Variants in SGPP1 observed in about 807,000 individuals in gnomAD.
SGPP1 encodes hSPP1.
Under a neutral mutation model 33.0 loss-of-function variants are expected in SGPP1, and 21 were observed. The ratio of observed to expected loss-of-function variants is 0.64; its 90% confidence interval spans 0.45 to 0.92. The LOEUF is 0.92. Among genes scored for constraint, SGPP1 ranks in the 40% least tolerant of loss-of-function variants. The pLI is 0.00. For missense variants in SGPP1, 543 were observed against 589.4 expected, an observed-to-expected ratio of 0.92 and a Z score of 0.81; for synonymous variants, 239 against 241.2, an observed-to-expected ratio of 0.99 and a Z score of 0.08.
intron 1 of SGPP1, among the ~76,000 whole-genome samples, chr14:63,701,468 T>C (rs1885298407): frequency 6.6e-6 from 1 of 152,006 alleles, no homozygotes; most frequent in South Asian, 2.1e-4. Context: ...AAGTTGAGAT[T>C]TGAGGCAAGA....
chr14:63,685,798 T>C lies in SGPP1; in HGVS notation c.*307A>G, dbSNP rs1173287635. The C allele has an allele frequency of 6.7e-6, 1 of 150,136 alleles. No homozygotes were observed. The highest frequency in any genetic ancestry group is 1.5e-5 in the Non-Finnish European group (1 of 67,928). The allele number at this position is 150,136 out of a possible 1,614,324, so 9.3% of individuals were successfully genotyped here. A position where few individuals can be genotyped will look rare whatever the true frequency, so the allele number is the denominator to read the frequency against. Reference sequence around the variant, plus strand: ...TTATATATAATATATATCAGATATATAATTGCATATTATGTACCTTATATA... The same window carrying C: ...TTATATATAATATATATCAGATATACAATTGCATATTATGTACCTTATATA... On this transcript the variant is annotated 3_prime_UTR_variant, in exon 3 of 3. Coordinates refer to ENST00000247225, the MANE Select transcript of SGPP1 (RefSeq NM_030791.4).
At chr14:63,726,530 G>A (rs1885883366) in intron 1 of SGPP1, among the ~76,000 whole-genome samples, 2 of 152,090 alleles carry the variant, frequency 1.3e-5, no homozygotes, top group Admixed American at 6.6e-5. Context: ...TTGATCAAGA[G>A]CCCTATCTTT....
Position 63,685,772 on chromosome 14 carries a change from T to C in SGPP1, c.*333A>G, listed in dbSNP as rs1185717224. On this transcript the variant is annotated 3_prime_UTR_variant, in exon 3 of 3. Transcript: ENST00000247225. ...TTAAAAAAACACTTAGGTATATTAT[T>C]TTATATATAATATATATCAGATATA... 2.0e-5 allele frequency: 3 copies of C among 149,180 alleles called. No homozygotes were observed. The highest frequency in any genetic ancestry group is 3.0e-5 in the Non-Finnish European group (2 of 67,432). 9.2% of individuals were successfully genotyped at this position (149,180 alleles called of 1,614,324 possible). A position where few individuals can be genotyped will look rare whatever the true frequency, so the allele number is the denominator to read the frequency against.
At position 63,685,572 on chromosome 14, in the gene SGPP1, T is replaced by C. The variant is rs932334757; in HGVS notation, c.*533A>G. The C allele has an allele frequency of 1.3e-5, 2 of 152,408 alleles. No individual in the cohort carries two copies. The highest frequency in any genetic ancestry group is 6.5e-5 in the Admixed American group (1 of 15,270). The allele number at this position is 152,408 out of a possible 1,614,324, so 9.4% of individuals were successfully genotyped here. On this transcript the variant is annotated 3_prime_UTR_variant, in exon 3 of 3. Coordinates refer to ENST00000247225, the MANE Select transcript of SGPP1 (RefSeq NM_030791.4). ...AGTGTAAAAACAGGCAGTAAATCAATGTATAGTAGCATATGCATTCTGGTC... is the reference window on the plus strand; with the variant it reads ...AGTGTAAAAACAGGCAGTAAATCAACGTATAGTAGCATATGCATTCTGGTC...
intron 1 of SGPP1, among the ~76,000 whole-genome samples, chr14:63,715,500 C>A (rs914272837): frequency 6.6e-5 from 10 of 151,548 alleles, no homozygotes; most frequent in Admixed American, 2.0e-4. Context: ...TTTTTTTGAG[C>A]CGGAGTTTCA....
intron 1 of SGPP1, among the ~76,000 whole-genome samples, chr14:63,707,204 T>C (rs1885426295): frequency 6.6e-6 from 1 of 152,138 alleles, no homozygotes; most frequent in Admixed American, 6.5e-5. Context: ...TTACAAAGAA[T>C]CAGTTTAGCA....
chr14:63,701,989 A>T (rs78879734), intron 1 of SGPP1, among the ~76,000 whole-genome samples: 4 of 151,276 alleles, frequency 2.6e-5, no homozygotes, highest in African/African-American at 7.3e-5. Flanking sequence ...ATCTTTCTGC[A>T]CTTCCTTCTC....
intron 1 of SGPP1, among the ~76,000 whole-genome samples, chr14:63,701,610 A>G (rs1038657675): frequency 6.6e-6 from 1 of 152,118 alleles, no homozygotes; most frequent in East Asian, 1.9e-4. Context: ...CTGTGGCCAT[A>G]GCAGAGAGAG....
intron 1 of SGPP1, among the ~76,000 whole-genome samples, chr14:63,726,889 A>C (rs1885892116): frequency 6.6e-6 from 1 of 152,208 alleles, no homozygotes; most frequent in Non-Finnish European, 1.5e-5. Flanking sequence ...TTACGGTGAA[A>C]CTGGGTCTTA....
intron 1 of SGPP1, among the ~76,000 whole-genome samples, chr14:63,722,267 G>A (rs892663876): frequency 2.0e-5 from 3 of 151,202 alleles, no homozygotes; most frequent in African/African-American, 7.3e-5. Context: ...GCTCATGCCT[G>A]TAATCCCAAC....
At chr14:63,716,920 T>A (rs532588387) in intron 1 of SGPP1, among the ~76,000 whole-genome samples, 1 of 152,148 alleles carries the variant, frequency 6.6e-6, no homozygotes, top group Admixed American at 6.5e-5. Context: ...CTCAAACTCC[T>A]GACCTCAGCT....
intron 1 of SGPP1, among the ~76,000 whole-genome samples, chr14:63,703,987 T>A (rs1259685176): frequency 6.6e-6 from 1 of 151,632 alleles, no homozygotes; most frequent in Non-Finnish European, 1.5e-5. Flanking sequence ...CACCATACCC[T>A]GCTAATTTTT....
At chr14:63,697,837 T>C (rs924637081) in intron 2 of SGPP1, among the ~76,000 whole-genome samples, 1 of 152,236 alleles carries the variant, frequency 6.6e-6, no homozygotes, top group East Asian at 1.9e-4. Flanking sequence ...GGAAACCTAA[T>C]AATTCAGTAT....
chr14:63,721,143 A>C (rs1249329316), intron 1 of SGPP1, among the ~76,000 whole-genome samples: 1 of 152,214 alleles, frequency 6.6e-6, no homozygotes, highest in African/African-American at 2.4e-5. Flanking sequence ...TCGGCCTTCA[A>C]AAGTGCTGGG....
chr14:63,699,265 A>G (rs1885249135), intron 1 of SGPP1, among the ~76,000 whole-genome samples: 2 of 152,244 alleles, frequency 1.3e-5, no homozygotes, highest in South Asian at 4.1e-4. Context: ...GGGAAAAAGC[A>G]TAAACAGAAA....
intron 1 of SGPP1, among the ~76,000 whole-genome samples, chr14:63,712,725 T>C (rs1046315645): frequency 3.3e-5 from 5 of 150,750 alleles, no homozygotes; most frequent in Non-Finnish European, 7.4e-5. Flanking sequence ...TGGAGTACAA[T>C]GGCACCGTTA....
At chr14:63,713,883 A>T (rs1225572863) in intron 1 of SGPP1, among the ~76,000 whole-genome samples, 1 of 152,202 alleles carries the variant, frequency 6.6e-6, no homozygotes, top group African/African-American at 2.4e-5. Flanking sequence ...GCATGTTTCC[A>T]GAGGAGATTA....
intron 1 of SGPP1, among the ~76,000 whole-genome samples, chr14:63,702,484 C>G (rs1028703017): frequency 6.6e-6 from 1 of 152,062 alleles, no homozygotes; most frequent in Non-Finnish European, 1.5e-5. Context: ...TCGAGGCAGG[C>G]TGATCACTTG....
chr14:63,717,060 T>C (rs563069909), intron 1 of SGPP1, among the ~76,000 whole-genome samples: 26 of 152,094 alleles, frequency 1.7e-4, no homozygotes, highest in Admixed American at 8.5e-4. Context: ...AGCTGAGAAA[T>C]TGAAGATTTT....
Sources: gnomAD v4.1 joint callset for allele counts (sites outside exome capture counted in the v4.1 genomes callset) on GRCh38, gnomAD v4.1.1 for gene constraint, MANE v1.5 for transcripts, NCBI Gene and HGNC (gene_info 2026-07-23, HGNC 2026-07-21) for gene names.